Variants in SLX4IP observed in about 807,000 individuals in gnomAD.
The protein encoded by SLX4IP is protein SLX4IP.
In SLX4IP, 34 loss-of-function variants were observed where a neutral mutation model predicts 32.9. The observed-to-expected ratio is 1.03, with a 90% CI of 0.79 to 1.38. SLX4IP has a LOEUF of 1.38. SLX4IP is among the 40% of genes most tolerant of loss of function. The pLI is 0.00. For synonymous variants in SLX4IP, 172 were observed against 171.7 expected, an observed-to-expected ratio of 1.00 and a Z score of -0.01; for missense variants, 444 against 479.0, an observed-to-expected ratio of 0.93 and a Z score of 0.68.
At chr20:10,592,252 A>G (rs904775376) in intron 4 of SLX4IP, among the ~76,000 whole-genome samples, 2 of 152,128 alleles carry the variant, frequency 1.3e-5, no homozygotes, top group African/African-American at 4.8e-5. Flanking sequence ...TTTGTTTCCC[A>G]GTTGTGGTCT....
chr20:10,450,717 T>C (rs1271350694), intron 1 of SLX4IP, among the ~76,000 whole-genome samples: 3 of 152,182 alleles, frequency 2.0e-5, no homozygotes, highest in African/African-American at 7.2e-5. Flanking sequence ...GTTGACTGAG[T>C]AATAATAATT....
intron 4 of SLX4IP, among the ~76,000 whole-genome samples, chr20:10,571,206 G>C (rs879630483): frequency 6.6e-6 from 1 of 152,164 alleles, no homozygotes; most frequent in Non-Finnish European, 1.5e-5. Flanking sequence ...TTGAGTCCCA[G>C]GTTCGGGCAC....
chr20:10,489,587 C>G (rs1451010647), intron 2 of SLX4IP, among the ~76,000 whole-genome samples: 1 of 152,094 alleles, frequency 6.6e-6, no homozygotes, highest in Non-Finnish European at 1.5e-5. Context: ...CCTAATTTCC[C>G]CAGAACCCTT....
intron 2 of SLX4IP, among the ~76,000 whole-genome samples, chr20:10,510,565 T>C (rs2065797643): frequency 6.6e-6 from 1 of 151,798 alleles, no homozygotes; most frequent in Non-Finnish European, 1.5e-5. Flanking sequence ...TTAGGTGCCT[T>C]GCAAATTATT....
intron 1 of SLX4IP, among the ~76,000 whole-genome samples, chr20:10,439,947 T>C (rs925749426): frequency 1.3e-5 from 2 of 152,248 alleles, no homozygotes; most frequent in Non-Finnish European, 2.9e-5. Flanking sequence ...GCTTCTATTA[T>C]GTAAAAGCGG....
At chr20:10,455,758 C>T (rs2065279911) in intron 1 of SLX4IP, among the ~76,000 whole-genome samples, 1 of 151,998 alleles carries the variant, frequency 6.6e-6, no homozygotes, top group Non-Finnish European at 1.5e-5. Flanking sequence ...TACAGGTGCA[C>T]ACCACCACAC....
chr20:10,516,230 G>A (rs2065848298), intron 2 of SLX4IP, among the ~76,000 whole-genome samples: 1 of 152,116 alleles, frequency 6.6e-6, no homozygotes, highest in Admixed American at 6.6e-5. Context: ...CTGGGATAGT[G>A]GTGCCTTCCT....
chr20:10,444,341 C>A (rs2065183412), intron 1 of SLX4IP, among the ~76,000 whole-genome samples: 1 of 152,100 alleles, frequency 6.6e-6, no homozygotes, highest in South Asian at 2.1e-4. Context: ...CGTTTAAGAT[C>A]AAGGCACCAG....
intron 2 of SLX4IP, among the ~76,000 whole-genome samples, chr20:10,505,438 GACA>G (rs1485323247): frequency 2.6e-5 from 4 of 152,314 alleles, no homozygotes; most frequent in Admixed American, 2.6e-4. Context: ...AAATGGAAAA[GACA>G]TAGGAGACAG....
intron 2 of SLX4IP, among the ~76,000 whole-genome samples, chr20:10,490,181 T>C (rs1302368458): frequency 1.8e-5 from 2 of 110,878 alleles, no homozygotes; most frequent in African/African-American, 6.8e-5. Context: ...GTATTTAAAG[T>C]AGTGGAAATT....
At chr20:10,551,390 G>T (rs1379502383) in intron 2 of SLX4IP, among the ~76,000 whole-genome samples, 1 of 152,204 alleles carries the variant, frequency 6.6e-6, no homozygotes, top group Admixed American at 6.5e-5. Flanking sequence ...GAATAGTAAC[G>T]GCTTGGTCCC....
intron 4 of SLX4IP, among the ~76,000 whole-genome samples, chr20:10,585,087 A>C (rs539887701): frequency 4.5e-4 from 69 of 152,314 alleles, no homozygotes; most frequent in South Asian, 1.0e-3. Context: ...ATCTTTCTTT[A>C]ATTTAATGTT....
At chr20:10,548,141 A>G (rs1199637825) in intron 2 of SLX4IP, among the ~76,000 whole-genome samples, 1 of 152,210 alleles carries the variant, frequency 6.6e-6, no homozygotes, top group South Asian at 2.1e-4. Context: ...AGGTGGTTCA[A>G]CGCCTCCTAA....
At chr20:10,499,754 A>C (rs1217974835) in intron 2 of SLX4IP, among the ~76,000 whole-genome samples, 1 of 152,232 alleles carries the variant, frequency 6.6e-6, no homozygotes, top group East Asian at 1.9e-4. Flanking sequence ...GATATTTTTA[A>C]AATGTAGTCC....
At chr20:10,619,003 G>A (rs2122569497) in intron 6 of SLX4IP, among the ~76,000 whole-genome samples, 1 of 152,210 alleles carries the variant, frequency 6.6e-6, no homozygotes, top group South Asian at 2.1e-4. Flanking sequence ...GGAGTTAATT[G>A]ACCCTAGAAA....
intron 2 of SLX4IP, among the ~76,000 whole-genome samples, chr20:10,512,822 A>ATATATATATATG (rs1555810585): frequency 9.8e-6 from 1 of 102,488 alleles, no homozygotes; most frequent in Non-Finnish European, 2.0e-5. Flanking sequence ...ATATATATAT[A>ATATATATATATG]GTTGTTGTTG....
At chr20:10,571,034 T>C (rs570796931) in intron 4 of SLX4IP, among the ~76,000 whole-genome samples, 1 of 152,030 alleles carries the variant, frequency 6.6e-6, no homozygotes, top group Non-Finnish European at 1.5e-5. Flanking sequence ...AGTCTCACGA[T>C]GTTGGCCAGA....
At chr20:10,487,133 G>A (rs774926596) in intron 2 of SLX4IP, among the ~76,000 whole-genome samples, 1 of 152,216 alleles carries the variant, frequency 6.6e-6, no homozygotes, top group South Asian at 2.1e-4. Context: ...CTCTTTAAGA[G>A]TTAAAAACAA....
chr20:10,442,249 G>C (rs2122317235), intron 1 of SLX4IP, among the ~76,000 whole-genome samples: 1 of 152,284 alleles, frequency 6.6e-6, no homozygotes, highest in Non-Finnish European at 1.5e-5. Context: ...ATAATCTAGA[G>C]GGTCATTGAC....
Sources: allele counts gnomAD v4.1 joint callset (sites outside exome capture counted in the v4.1 genomes callset), GRCh38; gene constraint gnomAD v4.1.1; transcripts MANE v1.5; gene names NCBI Gene and HGNC (gene_info 2026-07-23, HGNC 2026-07-21).